Variants in TTC34 observed in about 807,000 individuals in gnomAD.
The protein encoded by TTC34 is tetratricopeptide repeat protein 34.
TTC34 carries 44 observed loss-of-function variants against 40.7 expected under a neutral mutation model. The ratio of observed to expected loss-of-function variants is 1.08; its 90% CI spans 0.85 to 1.39. TTC34 has a LOEUF of 1.39. TTC34 is among the 40% of genes most tolerant of loss of function. TTC34 has a pLI of 0.00. For missense variants in TTC34, 884 were observed against 838.0 expected (o/e 1.05, Z -0.68); for synonymous variants, 422 against 398.6 (o/e 1.06, Z -0.70).
intron 2 of TTC34, among the ~76,000 whole-genome samples, chr1:2,793,299 C>A (rs1025546521): frequency 2.6e-5 from 4 of 151,966 alleles, no homozygotes; most frequent in African/African-American, 9.7e-5. Flanking sequence ...TCTGTGTTTC[C>A]TCTTTTGGGG....
At chr1:2,757,061 CCA>C (rs1641531051) in intron 6 of TTC34, among the ~76,000 whole-genome samples, 8 of 120,868 alleles carry the variant, frequency 6.6e-5, no homozygotes, top group Non-Finnish European at 8.7e-5. Flanking sequence ...GGAACAGGAC[CCA>C]CACCCCCAGG....
chr1:2,645,587 G>GGGGCCCCC lies in TTC34; in HGVS notation c.2227-25_2227-24insGGGGGCCC. 1 of 229,532 alleles carries GGGGCCCCC rather than the reference G, an allele frequency of 4.4e-6. No homozygotes were observed. Among genetic ancestry groups the GGGGCCCCC allele is most frequent in the Non-Finnish European group, 8.6e-6 (1 of 116,454 alleles). 14.2% of individuals were successfully genotyped at this position (229,532 alleles called of 1,614,324 possible). On this transcript the variant is annotated intron_variant, in intron 6 of 8. Transcript: ENST00000401095. The surrounding 1 kb of genome is among the most constrained non-coding windows in gnomAD (Gnocchi z 4.7). ...TCCTGCAAGGAGGGAGGGCGGGCGGGTGCAGAGTTGTCCTAAGTAGAGAAA... is the reference window on the plus strand; with the variant it reads ...TCCTGCAAGGAGGGAGGGCGGGCGGGGGGCCCCCTGCAGAGTTGTCCTAAGTAGAGAAA...
chr1:2,645,090 G>C lies in TTC34; in HGVS notation c.2497+203C>G, dbSNP rs1638992454. ...CCATTGCAAGCAAAGAGCCACCCGG[G>C]TAAAGCAGAGGAGAGCCTTTTGAAC... On this transcript the variant is annotated intron_variant, in intron 7 of 8. Transcript: ENST00000401095. The surrounding 1 kb of genome is among the most constrained non-coding windows in gnomAD (Gnocchi z 4.7). 6.6e-6 allele frequency among the ~76,000 whole-genome samples: 1 copy of C among 152,192 alleles called. No homozygotes were observed. Among genetic ancestry groups the C allele is most frequent in the South Asian group, 2.1e-4 (1 of 4,832 alleles).
Position 2,785,842 on chromosome 1 carries a change from A to C in TTC34, c.2036T>G (p.Leu679Arg), listed in dbSNP as rs568606032. Residue 679 changes from leucine to arginine, a missense_variant, in exon 5 of 9, where the codon CTG (leucine) becomes CGG (arginine). Coordinates refer to ENST00000401095, the Ensembl canonical transcript of TTC34. The stretch of plus-strand genomic sequence containing the variant: ...ACCTGCGGCAAAGATGGCCAGAGAC[A>C]GGTAGGCGATGGCCTCCTTGGTGTG... 2.5e-5 allele frequency: 38 copies of C among 1,544,220 alleles called. 2 individuals are homozygous for C. Among genetic ancestry groups the C allele is most frequent in the Middle Eastern group, 3.5e-4 (2 of 5,684 alleles).
intron 6 of TTC34, among the ~76,000 whole-genome samples, chr1:2,687,527 C>A (rs535585720): frequency 6.7e-6 from 1 of 148,180 alleles, no homozygotes; most frequent in African/African-American, 2.6e-5. Context: ...CACCCACACC[C>A]CCAGGTGAGC....
intron 6 of TTC34, among the ~76,000 whole-genome samples, chr1:2,752,608 A>AAC (rs1641361612): frequency 1.6e-4 from 2 of 12,344 alleles, no homozygotes; most frequent in African/African-American, 3.0e-4. Context: ...GAACAGGACA[A>AAC]ACACCCCCAG....
chr1:2,746,708 C>CT (rs1641183067), intron 6 of TTC34, among the ~76,000 whole-genome samples: 17 of 22,486 alleles, frequency 7.6e-4, no homozygotes, highest in East Asian at 2.2e-3. Flanking sequence ...GAGCAGCACC[C>CT]ACATCCCCAG....
chr1:2,772,977 C>T (rs1642507661), intron 6 of TTC34, among the ~76,000 whole-genome samples: 1 of 127,338 alleles, frequency 7.9e-6, no homozygotes, highest in South Asian at 2.6e-4. Context: ...AGCATGCACA[C>T]CCCCAGGCGA....
chr1:2,752,142 A>C lies in TTC34; in HGVS notation c.2226+31467T>G, dbSNP rs1282823125. Among the ~76,000 whole-genome samples, 2 of 113,076 alleles carry C rather than the reference A, an allele frequency of 1.8e-5. 1 individual carries two copies. Among genetic ancestry groups the C allele is most frequent in the Non-Finnish European group, 3.5e-5 (2 of 57,710 alleles). The allele number at this position is 113,076 out of a possible 152,430, so 74.2% of individuals were successfully genotyped here. A position where few individuals can be genotyped will look rare whatever the true frequency, so the allele number is the denominator to read the frequency against. Reference sequence around the variant, plus strand: ...GCAACACCCACGCCCCCAGGTGCGCATGTGATGGTCTGGAGCAGCACCCAC... The same window carrying C: ...GCAACACCCACGCCCCCAGGTGCGCCTGTGATGGTCTGGAGCAGCACCCAC... On this transcript the variant is annotated intron_variant, in intron 6 of 8. Coordinates refer to ENST00000401095, the Ensembl canonical transcript of TTC34.
rs1242972073 is a variant in TTC34, at chr1:2,787,596, T to C, written c.1739A>G (p.Glu580Gly). The change falls in exon 4 of 9, where the codon GAG becomes GGG. Residue 580 changes from glutamate to glycine, a missense_variant. By Grantham distance (98) the Glu-to-Gly change is moderately conservative (BLOSUM62 -2). Coordinates refer to ENST00000401095, the Ensembl canonical transcript of TTC34. The stretch of plus-strand genomic sequence containing the variant: ...CACCAGCAGGGCCTTGTGGGTCTCC[T>C]CCAGGCGGCCCAGGCGGTACAGGGC... 4.5e-6 allele frequency: 7 copies of C among 1,549,456 alleles called. No homozygotes were observed. The East Asian group carries it at 1.7e-4, about 38-fold the overall frequency.
rs1299080735 is a variant in TTC34 at position 2,765,714 on chromosome 1, AC to A, written c.2226+17894del. Among the ~76,000 whole-genome samples the A allele has an allele frequency of 1.1e-4, 5 of 46,916 alleles. 1 individual carries two copies. Among genetic ancestry groups the A allele is most frequent in the Non-Finnish European group, 1.7e-4 (5 of 29,648 alleles). 30.8% of individuals were successfully genotyped at this position (46,916 alleles called of 152,430 possible). On this transcript the variant is annotated intron_variant, in intron 6 of 8. Transcript: ENST00000401095. The stretch of plus-strand genomic sequence containing the variant: ...TCTGACAGCCTGGAGCAGCATGCAC[AC>A]CCCCAGGCGAGCATCTGACAGCCTG...
chr1:2,645,272 C>T lies in TTC34; in HGVS notation c.2497+21G>A. ...ACAGAAGCCCAGACCCCGTGTTTCC[C>T]ACCTTGGGGCCGCCGCATACCCTGT... On this transcript the variant is annotated intron_variant, in intron 7 of 8. Transcript: ENST00000401095. The surrounding 1 kb of genome is among the most constrained non-coding windows in gnomAD (Gnocchi z 4.7). 2 of 1,442,766 alleles carry T rather than the reference C, an allele frequency of 1.4e-6. No homozygotes were observed. The allele number at this position is 1,442,766 out of a possible 1,614,324, so 89.4% of individuals were successfully genotyped here. A position where few individuals can be genotyped will look rare whatever the true frequency, so the allele number is the denominator to read the frequency against.
At chr1:2,750,542 A>G in intron 6 of TTC34, among the ~76,000 whole-genome samples, 1 of 151,884 alleles carries the variant, frequency 6.6e-6, no homozygotes, top group Non-Finnish European at 1.5e-5. Context: ...CGAGCATCCG[A>G]CAGCCTGGGG....
intron 6 of TTC34, among the ~76,000 whole-genome samples, chr1:2,691,143 C>T (rs1488204101): frequency 1.4e-5 from 1 of 69,476 alleles, no homozygotes; most frequent in South Asian, 4.5e-4. Flanking sequence ...ACCCACACCG[C>T]CAGGGGAGTA....
intron 6 of TTC34, among the ~76,000 whole-genome samples, chr1:2,699,204 C>A (rs570262386): frequency 2.9e-5 from 4 of 139,104 alleles, no homozygotes; most frequent in South Asian, 2.3e-4. Context: ...TGGAGCAGCA[C>A]CCACACCCCC....
chr1:2,645,615 G>C lies in TTC34; in HGVS notation c.2227-52C>G, dbSNP rs896281413. On this transcript the variant is annotated intron_variant, in intron 6 of 8. Transcript: ENST00000401095. This position sits in a 1 kb window ranked among gnomAD's most constrained non-coding sequence, Gnocchi z 4.7. Reference sequence around the variant, plus strand: ...CAGAGTTGTCCTAAGTAGAGAAACTGGGCAGAGGGTCAGAGTAGGAGGACT... The same window carrying C: ...CAGAGTTGTCCTAAGTAGAGAAACTCGGCAGAGGGTCAGAGTAGGAGGACT... The C allele has an allele frequency of 1.3e-5, 18 of 1,429,896 alleles. No homozygotes were observed. Among genetic ancestry groups the C allele is most frequent in the Admixed American group, 5.3e-5 (2 of 37,608 alleles). The allele number at this position is 1,429,896 out of a possible 1,614,324, so 88.6% of individuals were successfully genotyped here.
At chr1:2,690,153 C>G in intron 6 of TTC34, among the ~76,000 whole-genome samples, 1 of 151,084 alleles carries the variant, frequency 6.6e-6, no homozygotes, top group South Asian at 2.1e-4. Context: ...AGGTGAGCAT[C>G]TGACATCGTG....
intron 6 of TTC34, among the ~76,000 whole-genome samples, chr1:2,769,755 C>A (rs554524927): frequency 6.7e-6 from 1 of 148,604 alleles, no homozygotes; most frequent in African/African-American, 2.5e-5. Context: ...CCCACACCCC[C>A]AGGTGAGCAT....
At chr1:2,792,009 T>C (rs78224192) in intron 2 of TTC34, among the ~76,000 whole-genome samples, 1 of 96,058 alleles carries the variant, frequency 1.0e-5, no homozygotes, top group Non-Finnish European at 2.2e-5. Flanking sequence ...CCATATGCTT[T>C]TTTTTTTTTT....
Sources: allele counts gnomAD v4.1 joint callset (sites outside exome capture counted in the v4.1 genomes callset), GRCh38; gene constraint gnomAD v4.1.1; non-coding constraint Gnocchi (gnomAD v3.1); transcripts MANE v1.5; gene names NCBI Gene and HGNC (gene_info 2026-07-23, HGNC 2026-07-21).